Variants in CSMD1 observed in about 807,000 individuals in gnomAD.
The protein encoded by CSMD1 is CUB and sushi domain-containing protein 1.
In CSMD1, 213 loss-of-function variants were observed where a neutral mutation model predicts 417.5. The ratio of observed to expected loss-of-function variants is 0.51; its 90% CI spans 0.46 to 0.57. The LOEUF (loss-of-function observed/expected upper bound fraction) is 0.57, where lower values mean the gene tolerates loss of function less well. CSMD1 is among the 20% of genes least tolerant of loss of function. The probability of loss-of-function intolerance (pLI) is 0.00; values close to 1 mark genes in which losing one functional copy is unlikely to be tolerated. For synonymous variants in CSMD1, 2,862 were observed against 1,736.8 expected (o/e 1.65, Z -16.11); for missense variants, 6,923 against 4,529.7 (o/e 1.53, Z -15.17).
chr8:4,748,892 C>G (rs985248029), intron 1 of CSMD1, among the ~76,000 whole-genome samples: 4 of 152,216 alleles, frequency 2.6e-5, no homozygotes, highest in Non-Finnish European at 5.9e-5. Context: ...TATTCCGGTC[C>G]TGTTACTCTG....
intron 12 of CSMD1, among the ~76,000 whole-genome samples, chr8:3,456,689 C>A (rs1021959849): frequency 3.3e-5 from 5 of 152,092 alleles, no homozygotes; most frequent in African/African-American, 1.2e-4. Flanking sequence ...CTAATCATTC[C>A]AGGAATGAGC....
chr8:3,350,472 G>C (rs1808345122), intron 21 of CSMD1, among the ~76,000 whole-genome samples: 1 of 152,004 alleles, frequency 6.6e-6, no homozygotes, highest in African/African-American at 2.4e-5. Flanking sequence ...TTACTGATGT[G>C]ATATAAACTG....
rs544875650 is a variant in CSMD1 at position 3,554,936 on chromosome 8, G to A, written c.1344+20009C>T. Among the ~76,000 whole-genome samples the A allele has an allele frequency of 2.0e-5, 3 of 152,144 alleles. No individual in the cohort carries two copies. The East Asian group carries it at 5.9e-4, about 30-fold the overall frequency. ...TGGCAAGCAGCCACACAGGGCAAGT[G>A]GGTCAGGGGTGTTAAAGAGAAGCCC... is the stretch of plus-strand genomic sequence containing the variant. On this transcript the variant is annotated intron_variant, in intron 10 of 69. Coordinates refer to ENST00000635120, the MANE Select transcript of CSMD1 (RefSeq NM_033225.6).
At chr8:4,165,505 G>A (rs113826685) in intron 3 of CSMD1, among the ~76,000 whole-genome samples, 3 of 152,294 alleles carry the variant, frequency 2.0e-5, no homozygotes, top group African/African-American at 7.2e-5. Flanking sequence ...CCAAGCTCAA[G>A]TCATCCTCCC....
chr8:4,260,337 A>T (rs548501614), intron 3 of CSMD1, among the ~76,000 whole-genome samples: 64 of 152,184 alleles, frequency 4.2e-4, no homozygotes, highest in African/African-American at 1.5e-3. Flanking sequence ...TATTTGCCTG[A>T]TTTCCCACTG....
At chr8:4,014,578 C>G (rs560767320) in intron 4 of CSMD1, among the ~76,000 whole-genome samples, 24 of 152,306 alleles carry the variant, frequency 1.6e-4, no homozygotes, top group Admixed American at 1.2e-3. Flanking sequence ...ATCATCTCAT[C>G]TAATCTTTAT....
intron 2 of CSMD1, among the ~76,000 whole-genome samples, chr8:4,506,344 C>A (rs1802525826): frequency 6.6e-6 from 1 of 151,948 alleles, no homozygotes; most frequent in Non-Finnish European, 1.5e-5. Flanking sequence ...GTGGGTTAGA[C>A]CGTAGCACCC....
rs146100852 is a variant in CSMD1, at chr8:4,149,574, G to T, written c.416-117475C>A. Reference sequence around the variant, plus strand: ...TAATTCTAAGTACAGATCAAAATCCGAACCAGATTTATGCTAAAAGGGAAA... The same window carrying T: ...TAATTCTAAGTACAGATCAAAATCCTAACCAGATTTATGCTAAAAGGGAAA... On this transcript the variant is annotated intron_variant, in intron 3 of 69. Transcript: ENST00000635120. Among the ~76,000 whole-genome samples, 10 of 152,168 alleles carry T rather than the reference G, an allele frequency of 6.6e-5. No individual in the cohort carries two copies. In the South Asian group the frequency reaches 2.1e-3, roughly 32 times the overall value.
chr8:4,765,051 A>C (rs1812369402), intron 1 of CSMD1, among the ~76,000 whole-genome samples: 1 of 152,132 alleles, frequency 6.6e-6, no homozygotes, highest in Non-Finnish European at 1.5e-5. Context: ...GCACCTATGT[A>C]GAGAGCTATC....
chr8:3,391,144 T>C (rs1200009647), intron 17 of CSMD1, among the ~76,000 whole-genome samples: 1 of 149,748 alleles, frequency 6.7e-6, no homozygotes, highest in African/African-American at 2.5e-5. Flanking sequence ...TTTCCTTTTC[T>C]GATCATATAA....
At chr8:3,890,015 C>T (rs558223708) in intron 5 of CSMD1, among the ~76,000 whole-genome samples, 1 of 152,090 alleles carries the variant, frequency 6.6e-6, no homozygotes, top group South Asian at 2.1e-4. Context: ...GATCCCTTCT[C>T]AAAAAATATA....
chr8:3,682,897 A>G (rs1282876546), intron 7 of CSMD1, among the ~76,000 whole-genome samples: 1 of 152,212 alleles, frequency 6.6e-6, no homozygotes, highest in East Asian at 1.9e-4. Context: ...TTGTAGAAAC[A>G]TGGATGAAGC....
At chr8:4,847,063 C>T (rs374312812) in intron 1 of CSMD1, among the ~76,000 whole-genome samples, 1 of 151,968 alleles carries the variant, frequency 6.6e-6, no homozygotes, top group Non-Finnish European at 1.5e-5. Context: ...AATTGGCGAA[C>T]TTTGTCAAAA....
At chr8:4,909,774 A>T (rs541629606) in intron 1 of CSMD1, among the ~76,000 whole-genome samples, 1 of 152,214 alleles carries the variant, frequency 6.6e-6, no homozygotes, top group East Asian at 1.9e-4. Context: ...TGATCCATGT[A>T]CATTTGTTTT....
intron 5 of CSMD1, among the ~76,000 whole-genome samples, chr8:3,854,031 AAATAT>A (rs1049300282): frequency 2.7e-5 from 4 of 146,448 alleles, no homozygotes; most frequent in African/African-American, 7.4e-5. Context: ...TAAATATATT[AAATAT>A]AATATACTAA....
At chr8:3,812,484 C>G (rs182868401) in intron 5 of CSMD1, among the ~76,000 whole-genome samples, 1 of 152,142 alleles carries the variant, frequency 6.6e-6, no homozygotes, top group African/African-American at 2.4e-5. Context: ...TTGAAATGGT[C>G]CATGTTCTTT....
chr8:4,868,876 TTGAA>T (rs2116904836), intron 1 of CSMD1, among the ~76,000 whole-genome samples: 2 of 152,088 alleles, frequency 1.3e-5, no homozygotes, highest in South Asian at 4.1e-4. Flanking sequence ...TTTGAGAGGA[TTGAA>T]TGAAGTAATA....
chr8:4,188,372 A>C (rs747682815), intron 3 of CSMD1, among the ~76,000 whole-genome samples: 1 of 152,190 alleles, frequency 6.6e-6, no homozygotes, highest in Admixed American at 6.5e-5. Context: ...TTCATTCTGC[A>C]TAATAGCAAA....
At chr8:4,535,537 TG>T (rs1219350703) in intron 2 of CSMD1, among the ~76,000 whole-genome samples, 1 of 152,150 alleles carries the variant, frequency 6.6e-6, no homozygotes, top group African/African-American at 2.4e-5. Flanking sequence ...TTTTTTATCT[TG>T]TAACAGTAAG....
Sources: gnomAD v4.1 joint callset for allele counts (sites outside exome capture counted in the v4.1 genomes callset) on GRCh38, gnomAD v4.1.1 for gene constraint, MANE v1.5 for transcripts, NCBI Gene and HGNC (gene_info 2026-07-23, HGNC 2026-07-21) for gene names.